ERBB4: variants seen among roughly 807,000 people sequenced by gnomAD.
ERBB4 encodes erb-b2 receptor tyrosine kinase 4, also known as receptor tyrosine-protein kinase erbB-4.
A neutral mutation model predicts 158.0 loss-of-function variants in ERBB4; 42 were observed. The observed-to-expected ratio is 0.27, with a 90% CI of 0.21 to 0.34. The LOEUF (loss-of-function observed/expected upper bound fraction) is 0.34, where lower values mean the gene tolerates loss of function less well. Among genes scored for constraint, ERBB4 ranks in the 10% least tolerant of loss-of-function variants. The probability of loss-of-function intolerance (pLI) is 1.00; values close to 1 mark genes in which losing one functional copy is unlikely to be tolerated. For missense variants in ERBB4, 1,333 were observed against 1,624.1 expected (o/e 0.82, Z 3.08); for synonymous variants, 583 against 558.7 (o/e 1.04, Z -0.61).
At chr2:211,978,986 A>ATTTTTCATTTCATT (rs2081713255) in intron 2 of ERBB4, among the ~76,000 whole-genome samples, 2 of 152,204 alleles carry the variant, frequency 1.3e-5, no homozygotes, top group African/African-American at 4.8e-5. Flanking sequence ...AAAGTGAAAC[A>ATTTTTCATTTCATT]AAACATTAAG....
chr2:212,055,715 G>A (rs533112677), intron 2 of ERBB4, among the ~76,000 whole-genome samples: 2 of 152,372 alleles, frequency 1.3e-5, no homozygotes, highest in African/African-American at 4.8e-5. Flanking sequence ...GCAGCTGAGG[G>A]TCCTGACTGT....
intron 20 of ERBB4, among the ~76,000 whole-genome samples, chr2:211,530,056 A>G (rs934007792): frequency 6.6e-6 from 1 of 152,140 alleles, no homozygotes; most frequent in African/African-American, 2.4e-5. Context: ...GAAGACGTCA[A>G]GTTATTCTTA....
chr2:212,024,162 A>G (rs973187372), intron 2 of ERBB4, among the ~76,000 whole-genome samples: 2 of 151,994 alleles, frequency 1.3e-5, no homozygotes, highest in South Asian at 4.1e-4. Context: ...AAACTGCTTA[A>G]TCAAGCATAA....
intron 1 of ERBB4, among the ~76,000 whole-genome samples, chr2:212,200,523 T>C (rs1354666201): frequency 6.6e-6 from 1 of 152,160 alleles, no homozygotes; most frequent in Non-Finnish European, 1.5e-5. Flanking sequence ...AGTATTTACA[T>C]CATAGATTTA....
chr2:211,882,872 A>G (rs745305565), intron 3 of ERBB4, among the ~76,000 whole-genome samples: 1 of 152,192 alleles, frequency 6.6e-6, no homozygotes, highest in Non-Finnish European at 1.5e-5. Context: ...CACTCAATCC[A>G]TATCTATTAC....
intron 3 of ERBB4, among the ~76,000 whole-genome samples, chr2:211,867,022 A>G (rs1300731780): frequency 3.0e-5 from 4 of 131,234 alleles, no homozygotes; most frequent in African/African-American, 5.8e-5. Flanking sequence ...ATTCCTTAAA[A>G]CCAAAAAAAA....
chr2:211,810,143 G>A (rs936523030), intron 3 of ERBB4, among the ~76,000 whole-genome samples: 3 of 152,178 alleles, frequency 2.0e-5, no homozygotes, highest in African/African-American at 4.8e-5. Context: ...GTGTGATGTG[G>A]TGCTGAGAAG....
In ERBB4 at chr2:212,353,147, T is replaced by G. The variant is rs559764493; in HGVS notation, c.82+185302A>C. Among the ~76,000 whole-genome samples, 915 of 152,130 alleles carry G rather than the reference T, an allele frequency of 6.0e-3. 11 individuals carry two copies. Among genetic ancestry groups the G allele is most frequent in the African/African-American group, 0.021 (878 of 41,552 alleles). ...ACCAGTTCTAGGGGATAATTGTTTT[T>G]GTTAGGCTTTGAATTCTCTGGCAAT... On this transcript the variant is annotated intron_variant, in intron 1 of 27. Coordinates refer to ENST00000342788, the MANE Select transcript of ERBB4 (RefSeq NM_005235.3).
chr2:212,433,914 C>T (rs1422707650), intron 1 of ERBB4, among the ~76,000 whole-genome samples: 1 of 151,888 alleles, frequency 6.6e-6, no homozygotes, highest in East Asian at 1.9e-4. Flanking sequence ...AGTGTCATTA[C>T]ATGGAAGAGG....
chr2:212,489,780 TTTAA>T lies in ERBB4; in HGVS notation c.82+48665_82+48668del, dbSNP rs1468295375. On this transcript the variant is annotated intron_variant, in intron 1 of 27. Transcript: ENST00000342788. ...TTCAGCAGAGTTCTCACATGCTGTA[TTTAA>T]TTCACATTCTCAAGTGTAAATATGA... 4.2e-5 allele frequency among the ~76,000 whole-genome samples: 6 copies of T among 142,454 alleles called. No homozygotes were observed. In the East Asian group the frequency reaches 1.2e-3, roughly 28 times the overall value. The allele number at this position is 142,454 out of a possible 152,430, so 93.5% of individuals were successfully genotyped here.
rs373932335 is a variant in ERBB4 at position 212,020,322 on chromosome 2, T to C, written c.235-72706A>G. On this transcript the variant is annotated intron_variant, in intron 2 of 27. Transcript: ENST00000342788. The stretch of plus-strand genomic sequence containing the variant: ...GGACAATATTAGAACTTATCATATA[T>C]AGAGGTTCAAAAAATAATTAAATGA... Among the ~76,000 whole-genome samples, 13 of 152,220 alleles carry C rather than the reference T, an allele frequency of 8.5e-5. No individual in the cohort carries two copies. In the East Asian group the frequency reaches 2.3e-3, roughly 27 times the overall value.
At chr2:211,870,356 A>C (rs1451335685) in intron 3 of ERBB4, among the ~76,000 whole-genome samples, 1 of 152,142 alleles carries the variant, frequency 6.6e-6, no homozygotes, top group Non-Finnish European at 1.5e-5. Flanking sequence ...TAGTTGTGGA[A>C]TTGTATTGAA....
intron 19 of ERBB4, among the ~76,000 whole-genome samples, chr2:211,568,409 G>A (rs962258354): frequency 3.3e-5 from 5 of 152,066 alleles, no homozygotes; most frequent in Non-Finnish European, 5.9e-5. Context: ...TAATAAGTGA[G>A]CAATACCATT....
At chr2:212,498,408 T>A (rs1196342621) in intron 1 of ERBB4, among the ~76,000 whole-genome samples, 3 of 152,176 alleles carry the variant, frequency 2.0e-5, no homozygotes, top group Non-Finnish European at 4.4e-5. Flanking sequence ...TAGAATATGC[T>A]TTAGCCAATG....
At chr2:211,471,137 G>GAA (rs1342854915) in intron 20 of ERBB4, among the ~76,000 whole-genome samples, 1 of 152,052 alleles carries the variant, frequency 6.6e-6, no homozygotes, top group Non-Finnish European at 1.5e-5. Context: ...ACTACCATAT[G>GAA]AAGAGAGACA....
rs574176892 is a variant in ERBB4, at chr2:211,595,762, T to C, written c.2301+23415A>G. The stretch of plus-strand genomic sequence containing the variant: ...CAGGTTTCACATATGCAACTAGTAC[T>C]GCAATATAGTATTGCTGAGAAGCAA... On this transcript the variant is annotated intron_variant, in intron 19 of 27. Coordinates refer to ENST00000342788, the MANE Select transcript of ERBB4 (RefSeq NM_005235.3). 1.2e-4 allele frequency among the ~76,000 whole-genome samples: 18 copies of C among 152,316 alleles called. No individual in the cohort carries two copies. The South Asian group carries it at 3.3e-3, about 28-fold the overall frequency.
At chr2:211,567,496 T>A (rs2067584822) in intron 19 of ERBB4, among the ~76,000 whole-genome samples, 2 of 152,202 alleles carry the variant, frequency 1.3e-5, no homozygotes, top group African/African-American at 2.4e-5. Context: ...GGGTAGTATT[T>A]GATAAATGTT....
chr2:212,398,053 C>CAT (rs1026983216), intron 1 of ERBB4, among the ~76,000 whole-genome samples: 3 of 151,356 alleles, frequency 2.0e-5, no homozygotes, highest in Admixed American at 6.6e-5. Flanking sequence ...GAAATAAACT[C>CAT]ATATATATAT....
chr2:211,672,044 T>C (rs1255323295), intron 14 of ERBB4, among the ~76,000 whole-genome samples: 1 of 152,154 alleles, frequency 6.6e-6, no homozygotes, highest in Non-Finnish European at 1.5e-5. Flanking sequence ...CTAATCATCC[T>C]TGTGGTCGTC....
Sources: gnomAD v4.1 joint callset for allele counts (sites outside exome capture counted in the v4.1 genomes callset) on GRCh38, gnomAD v4.1.1 for gene constraint, MANE v1.5 for transcripts, NCBI Gene and HGNC (gene_info 2026-07-23, HGNC 2026-07-21) for gene names.